The following SIRPA variants were observed in gnomAD, a reference collection of about 807,000 sequenced individuals.
SIRPA encodes signal regulatory protein alpha.
SIRPA carries 9 observed loss-of-function variants against 50.3 expected under a neutral mutation model. The observed-to-expected ratio is 0.18, with a 90% CI of 0.11 to 0.31. SIRPA has a LOEUF of 0.31. Ranked by LOEUF, SIRPA falls within the 10% of genes least tolerant of loss-of-function variation. The pLI, the probability that SIRPA is intolerant of heterozygous loss-of-function variation, is 1.00. For missense variants in SIRPA, 474 were observed against 661.6 expected (o/e 0.72, Z 3.11); for synonymous variants, 265 against 284.1 (o/e 0.93, Z 0.68).
intron 1 of SIRPA, 23 bp downstream of exon 1, chr20:1,895,549 CCG>C: frequency 7.1e-7 from 1 of 1,411,850 alleles, no homozygotes; most frequent in Non-Finnish European, 9.2e-7. Flanking sequence ...CCGCTCCCCA[CCG>C]CTGCACTCCC....
upstream of SIRPA, among the ~76,000 whole-genome samples, chr20:1,895,048 G>A (rs1475902406): frequency 6.7e-6 from 1 of 150,250 alleles, no homozygotes; most frequent in Non-Finnish European, 1.5e-5. Context: ...CCTCTCTCCC[G>A]CGCGGTCTGT....
At chr20:1,899,671 G>A (rs1984050734) in intron 1 of SIRPA, among the ~76,000 whole-genome samples, 2 of 151,972 alleles carry the variant, frequency 1.3e-5, no homozygotes, top group South Asian at 4.2e-4. Context: ...GTGCCTCCTG[G>A]GGAGAGGTCA....
rs1041213204 is a variant in SIRPA, at chr20:1,899,348, A to G, written c.79+3822A>G. On this transcript the variant is annotated intron_variant, in intron 1 of 7. Coordinates refer to ENST00000358771, the MANE Select transcript of SIRPA (RefSeq NM_001040023.2). ...ACCAGGCTTCCTCCCTGCAGACCAG[A>G]GCTTTGCTGGCTACTCAGCCACACG... Among the ~76,000 whole-genome samples the G allele has an allele frequency of 2.0e-5, 3 of 152,148 alleles. No homozygotes were observed. In the East Asian group the frequency reaches 5.8e-4, roughly 29 times the overall value.
In SIRPA at chr20:1,934,519, A is replaced by G. The variant is rs1047469122; in HGVS notation, c.1227-196A>G. Among the ~76,000 whole-genome samples, 6 of 152,220 alleles carry G rather than the reference A, an allele frequency of 3.9e-5. No homozygotes were observed. Among genetic ancestry groups the G allele is most frequent in the East Asian group, 1.9e-4 (1 of 5,198 alleles). ...GAGTAGGTTAAAAAAATGATAGTGC[A>G]TTGCTTAGAATTCCTTTTTAGTGAG... On this transcript the variant is annotated intron_variant, in intron 6 of 7. Coordinates refer to ENST00000358771, the MANE Select transcript of SIRPA (RefSeq NM_001040023.2). This position sits in a 1 kb window ranked among gnomAD's most constrained non-coding sequence, Gnocchi z 4.6.
At chr20:1,929,885 CCT>C (rs1986199310) in intron 6 of SIRPA, among the ~76,000 whole-genome samples, 1 of 152,164 alleles carries the variant, frequency 6.6e-6, no homozygotes, top group South Asian at 2.1e-4. Context: ...CAGATGCCCC[CCT>C]GAGGCTCCTG....
At chr20:1,899,212 A>C (rs1984015351) in intron 1 of SIRPA, among the ~76,000 whole-genome samples, 1 of 151,700 alleles carries the variant, frequency 6.6e-6, no homozygotes, top group Admixed American at 6.6e-5. Context: ...CTTTAAAAAA[A>C]AAAAACAAAA....
intron 1 of SIRPA, among the ~76,000 whole-genome samples, chr20:1,914,712 C>T (rs116321632): frequency 0.41 from 61,314 of 151,226 alleles, 12,666 homozygotes; most frequent in East Asian, 0.66. Context: ...AGAATCTTAA[C>T]ACCTTGTACA....
Position 1,927,750 on chromosome 20 carries a change from C to T in SIRPA, c.1202-125C>T. 1.2e-6 allele frequency: 1 copy of T among 855,890 alleles called. No homozygotes were observed. Among genetic ancestry groups the T allele is most frequent in the Non-Finnish European group, 2.0e-6 (1 of 497,170 alleles). 53.0% of individuals were successfully genotyped at this position (855,890 alleles called of 1,614,324 possible). A position where few individuals can be genotyped will look rare whatever the true frequency, so the allele number is the denominator to read the frequency against. On this transcript the variant is annotated intron_variant, in intron 5 of 7. Transcript: ENST00000358771. This position sits in a 1 kb window ranked among gnomAD's most constrained non-coding sequence, Gnocchi z 6.5. Reference sequence around the variant, plus strand: ...GTGGGCATGGGGGTCTCCTGTGGTTCCAAGGATGTGATTACAGCATTTCCT... The same window carrying T: ...GTGGGCATGGGGGTCTCCTGTGGTTTCAAGGATGTGATTACAGCATTTCCT...
intron 1 of SIRPA, among the ~76,000 whole-genome samples, chr20:1,896,743 G>A (rs1176960521): frequency 6.6e-6 from 1 of 152,044 alleles, no homozygotes; most frequent in Non-Finnish European, 1.5e-5. Context: ...AGTTTCCCCT[G>A]AAACCCAGGA....
intron 1 of SIRPA, among the ~76,000 whole-genome samples, chr20:1,903,453 C>T (rs1027757571): frequency 2.6e-5 from 4 of 152,234 alleles, no homozygotes; most frequent in African/African-American, 7.2e-5. Context: ...GCAGCATCCC[C>T]ATTGCTGCTT....
intron 1 of SIRPA, among the ~76,000 whole-genome samples, chr20:1,899,215 A>C (rs1400009262): frequency 2.6e-5 from 4 of 151,680 alleles, no homozygotes; most frequent in East Asian, 1.9e-4. Flanking sequence ...TAAAAAAAAA[A>C]AACAAAAAAA....
At chr20:1,918,268 G>A (rs934344802) in intron 2 of SIRPA, among the ~76,000 whole-genome samples, 16 of 151,472 alleles carry the variant, frequency 1.1e-4, no homozygotes, top group African/African-American at 3.4e-4. Context: ...GCACCATCTC[G>A]GCTCACTGCA....
chr20:1,922,175 C>T (rs1985699271), intron 3 of SIRPA, 138 bp from the exon 4 acceptor site: 3 of 942,252 alleles, frequency 3.2e-6, no homozygotes, highest in Non-Finnish European at 3.2e-6. Context: ...AAAGAGCACC[C>T]TCAATGTCTG....
chr20:1,923,981 GTTGGT>G (rs1985821586), intron 4 of SIRPA, among the ~76,000 whole-genome samples: 1 of 32,122 alleles, frequency 3.1e-5, no homozygotes, highest in Non-Finnish European at 5.2e-5. Context: ...TGGTTGGCTG[GTTGGT>G]TGGTTGGTTG....
At chr20:1,926,426 C>G (rs921832629) in intron 5 of SIRPA, among the ~76,000 whole-genome samples, 2 of 152,270 alleles carry the variant, frequency 1.3e-5, no homozygotes, top group African/African-American at 4.8e-5. Flanking sequence ...ACGCCAGCTC[C>G]TGGCACACGT....
In SIRPA at chr20:1,895,430, G is replaced by C. The variant is rs1329008812; in HGVS notation, c.-18G>C. 7.2e-7 allele frequency: 1 copy of C among 1,388,164 alleles called. No individual in the cohort carries two copies. The highest frequency in any genetic ancestry group is 3.1e-5 in the East Asian group (1 of 32,644). The allele number at this position is 1,388,164 out of a possible 1,614,324, so 86.0% of individuals were successfully genotyped here. A position where few individuals can be genotyped will look rare whatever the true frequency, so the allele number is the denominator to read the frequency against. On this transcript the variant is annotated 5_prime_UTR_variant, in exon 1 of 8. Transcript: ENST00000358771. ...GCACTCACGGCCGCTCTCCCTCCTC[G>C]CTCCGCAGCCGCGGCCCATGGAGCC...
At position 1,924,412 on chromosome 20, in the gene SIRPA, C is replaced by A. The variant is rs1985851312; in HGVS notation, c.1088-352C>A. 6.6e-6 allele frequency among the ~76,000 whole-genome samples: 1 copy of A among 152,210 alleles called. No homozygotes were observed. ...GCTGCTGATTCAGTTTCCAGTGGATCTGGGGTGCCCTCATGACCGCTCTGT... is the reference window on the plus strand; with the variant it reads ...GCTGCTGATTCAGTTTCCAGTGGATATGGGGTGCCCTCATGACCGCTCTGT... On this transcript the variant is annotated intron_variant, in intron 4 of 7. Coordinates refer to ENST00000358771, the MANE Select transcript of SIRPA (RefSeq NM_001040023.2). This position sits in a 1 kb window ranked among gnomAD's most constrained non-coding sequence, Gnocchi z 4.5.
At position 1,938,281 on chromosome 20, in the gene SIRPA, C is replaced by G. The variant is rs760245995; in HGVS notation, c.*713C>G. 3.9e-5 allele frequency: 6 copies of G among 152,790 alleles called. No homozygotes were observed. The highest frequency in any genetic ancestry group is 1.2e-4 in the African/African-American group (5 of 41,442). The allele number at this position is 152,790 out of a possible 1,614,324, so 9.5% of individuals were successfully genotyped here. ...TGGGGCCCAACTGTGTTGCTCCACC[C>G]GGACCCATCTCTCCCTTCTAGACCT... On this transcript the variant is annotated 3_prime_UTR_variant, in exon 8 of 8. Transcript: ENST00000358771.
chr20:1,896,458 CG>C (rs1326425991), intron 1 of SIRPA, among the ~76,000 whole-genome samples: 7 of 56,150 alleles, frequency 1.2e-4, no homozygotes, highest in African/African-American at 4.5e-4. Flanking sequence ...GGGTGGGGGG[CG>C]GGGGGAGCAG....
Sources: allele counts gnomAD v4.1 joint callset (sites outside exome capture counted in the v4.1 genomes callset), GRCh38; gene constraint gnomAD v4.1.1; non-coding constraint Gnocchi (gnomAD v3.1); transcripts MANE v1.5; gene names NCBI Gene and HGNC (gene_info 2026-07-23, HGNC 2026-07-21).